Variants in SSBP2 observed in about 807,000 individuals in gnomAD.
SSBP2 encodes the protein single-stranded DNA-binding protein 2.
Under a neutral mutation model 61.8 loss-of-function variants are expected in SSBP2, and 17 were observed. The observed-to-expected ratio is 0.28, with a 90% CI of 0.19 to 0.41. The LOEUF (loss-of-function observed/expected upper bound fraction) is 0.41, where lower values mean the gene tolerates loss of function less well. Ranked by LOEUF, SSBP2 falls within the 10% of genes least tolerant of loss-of-function variation. The pLI is 1.00. For missense variants in SSBP2, 310 were observed against 458.7 expected, an observed-to-expected ratio of 0.68 and a Z score of 2.96; for synonymous variants, 139 against 141.3, an observed-to-expected ratio of 0.98 and a Z score of 0.12.
chr5:81,484,516 T>C (rs995111294), intron 6 of SSBP2, among the ~76,000 whole-genome samples: 3 of 152,128 alleles, frequency 2.0e-5, no homozygotes, highest in Non-Finnish European at 2.9e-5. Context: ...GAAAATACTA[T>C]ATTTTAATCT....
chr5:81,458,152 T>C (rs1484303370), intron 10 of SSBP2, among the ~76,000 whole-genome samples: 3 of 152,130 alleles, frequency 2.0e-5, no homozygotes, highest in African/African-American at 7.2e-5. Flanking sequence ...GCTGAGAAAC[T>C]GTTCCAAGTT....
chr5:81,750,853 C>A, intron 1 of SSBP2, 128 bp downstream of exon 1: 4 of 1,056,150 alleles, frequency 3.8e-6, no homozygotes, highest in South Asian at 1.5e-5. Flanking sequence ...CGCGGCACCC[C>A]TCCCCCTGCC....
chr5:81,652,868 G>A (rs982929120), intron 1 of SSBP2, among the ~76,000 whole-genome samples: 1 of 151,358 alleles, frequency 6.6e-6, no homozygotes, highest in Non-Finnish European at 1.5e-5. Flanking sequence ...AGCATACACT[G>A]TACCCAATTT....
At chr5:81,517,249 A>T (rs985755988) in intron 4 of SSBP2, among the ~76,000 whole-genome samples, 2 of 152,032 alleles carry the variant, frequency 1.3e-5, no homozygotes, top group East Asian at 3.9e-4. Flanking sequence ...CAATATTATC[A>T]TTAAAAGTTG....
chr5:81,418,522 T>C lies in SSBP2; in HGVS notation c.*1982A>G, dbSNP rs758125946. ...CATCAGGAACTAGTACATACAGTCATATGTTACTTAATGATAAGTATACAT... is the reference window on the plus strand; with the variant it reads ...CATCAGGAACTAGTACATACAGTCACATGTTACTTAATGATAAGTATACAT... On this transcript the variant is annotated 3_prime_UTR_variant, in exon 17 of 17. Transcript: ENST00000320672. 2 of 152,228 alleles carry C rather than the reference T, an allele frequency of 1.3e-5. No individual in the cohort carries two copies. The highest frequency in any genetic ancestry group is 2.9e-5 in the Non-Finnish European group (2 of 68,044). The allele number at this position is 152,228 out of a possible 1,614,324, so 9.4% of individuals were successfully genotyped here. A position where few individuals can be genotyped will look rare whatever the true frequency, so the allele number is the denominator to read the frequency against.
intron 3 of SSBP2, among the ~76,000 whole-genome samples, chr5:81,630,410 G>C (rs528428333): frequency 3.3e-5 from 5 of 152,178 alleles, no homozygotes; most frequent in Admixed American, 2.6e-4. Context: ...GAGATCCATA[G>C]CTCTCATCAG....
intron 5 of SSBP2, among the ~76,000 whole-genome samples, chr5:81,509,228 T>C (rs1349050052): frequency 6.6e-6 from 1 of 152,220 alleles, no homozygotes; most frequent in Non-Finnish European, 1.5e-5. Context: ...TCTTTTCCAG[T>C]TGCTTCCATT....
chr5:81,531,932 G>T (rs1311120435), intron 4 of SSBP2, among the ~76,000 whole-genome samples: 1 of 152,046 alleles, frequency 6.6e-6, no homozygotes, highest in African/African-American at 2.4e-5. Context: ...ATGAGTTGAG[G>T]TGAAAGCAGT....
intron 4 of SSBP2, among the ~76,000 whole-genome samples, chr5:81,576,034 T>C (rs1057451822): frequency 6.6e-6 from 1 of 152,176 alleles, no homozygotes; most frequent in Non-Finnish European, 1.5e-5. Flanking sequence ...ATTCCCCATA[T>C]GTAAAAGAAG....
In SSBP2 at chr5:81,473,812, G is replaced by A. The variant is rs749211742; in HGVS notation, c.500-42C>T. On this transcript the variant is annotated intron_variant, in intron 7 of 16. Transcript: ENST00000320672. The stretch of plus-strand genomic sequence containing the variant: ...GACATTAGCAAAGTAATGAGCATGA[G>A]TACTAAACCAGAGGCTAGCAGCTTC... 11 of 1,568,914 alleles carry A rather than the reference G, an allele frequency of 7.0e-6. No individual in the cohort carries two copies. The South Asian group carries it at 1.1e-4, about 16-fold the overall frequency.
intron 1 of SSBP2, among the ~76,000 whole-genome samples, chr5:81,746,076 TTC>T (rs1245017767): frequency 1.3e-5 from 2 of 152,156 alleles, no homozygotes; most frequent in African/African-American, 4.8e-5. Context: ...TTCAACTTTT[TTC>T]TCTCACAGCT....
chr5:81,741,260 T>C (rs986847077), intron 1 of SSBP2, among the ~76,000 whole-genome samples: 2 of 152,190 alleles, frequency 1.3e-5, no homozygotes, highest in African/African-American at 2.4e-5. Flanking sequence ...ATCCCACTTA[T>C]ATGAGATACC....
chr5:81,705,621 C>A (rs1052780475), intron 1 of SSBP2, among the ~76,000 whole-genome samples: 1 of 152,096 alleles, frequency 6.6e-6, no homozygotes, highest in East Asian at 1.9e-4. Flanking sequence ...TTATTTTAAG[C>A]CTTTCTCTTG....
At chr5:81,652,887 T>C (rs750720684) in intron 1 of SSBP2, among the ~76,000 whole-genome samples, 1 of 151,928 alleles carries the variant, frequency 6.6e-6, no homozygotes, top group Non-Finnish European at 1.5e-5. Context: ...TTGTAGTCTT[T>C]TATCCCTCAC....
intron 4 of SSBP2, among the ~76,000 whole-genome samples, chr5:81,538,321 G>C (rs1346566969): frequency 6.6e-6 from 1 of 152,154 alleles, no homozygotes; most frequent in Non-Finnish European, 1.5e-5. Flanking sequence ...CTCTTCAATT[G>C]AGTGGTAAGA....
intron 1 of SSBP2, among the ~76,000 whole-genome samples, chr5:81,655,752 C>G (rs993508458): frequency 8.5e-5 from 13 of 152,162 alleles, no homozygotes; most frequent in African/African-American, 3.1e-4. Flanking sequence ...CTCACTGTCC[C>G]TCAACTACAC....
At chr5:81,580,319 T>TA (rs890806643) in intron 4 of SSBP2, among the ~76,000 whole-genome samples, 1 of 151,990 alleles carries the variant, frequency 6.6e-6, no homozygotes, top group African/African-American at 2.4e-5. Flanking sequence ...AAAACAGGGG[T>TA]AGTACCCCTG....
intron 1 of SSBP2, among the ~76,000 whole-genome samples, chr5:81,655,389 A>T (rs1448578445): frequency 6.6e-6 from 1 of 152,190 alleles, no homozygotes; most frequent in Non-Finnish European, 1.5e-5. Context: ...ATACAGTAAG[A>T]GTCAGCTGCA....
At chr5:81,726,494 A>G (rs1178327511) in intron 1 of SSBP2, among the ~76,000 whole-genome samples, 1 of 152,166 alleles carries the variant, frequency 6.6e-6, no homozygotes, top group Non-Finnish European at 1.5e-5. Context: ...TGCCACTGTT[A>G]TTCACTGTGC....
Sources: gnomAD v4.1 joint callset for allele counts (sites outside exome capture counted in the v4.1 genomes callset) on GRCh38, gnomAD v4.1.1 for gene constraint, MANE v1.5 for transcripts, NCBI Gene and HGNC (gene_info 2026-07-23, HGNC 2026-07-21) for gene names.